Variants in PREX1 observed in about 807,000 individuals in gnomAD.
PREX1 encodes phosphatidylinositol 3,4,5-trisphosphate-dependent Rac exchanger 1 protein.
PREX1 carries 41 observed loss-of-function variants against 198.3 expected under a neutral mutation model. The ratio of observed to expected loss-of-function variants is 0.21; its 90% CI spans 0.16 to 0.27. The LOEUF is 0.27. Ranked by LOEUF, PREX1 falls within the 10% of genes least tolerant of loss-of-function variation. The pLI, the probability that PREX1 is intolerant of heterozygous loss-of-function variation, is 1.00. For synonymous variants in PREX1, 843 were observed against 887.2 expected (o/e 0.95, Z 0.89); for missense variants, 1,620 against 2,200.7 (o/e 0.74, Z 5.28).
At chr20:48,638,084 G>C (rs1397996242) in intron 30 of PREX1, among the ~76,000 whole-genome samples, 3 of 151,982 alleles carry the variant, frequency 2.0e-5, no homozygotes, top group Non-Finnish European at 4.4e-5. Flanking sequence ...GTACAACCTA[G>C]ATACACACGT....
the PREX1 span, among the ~76,000 whole-genome samples, chr20:48,834,441 A>G: frequency 1.4e-4 from 22 of 152,246 alleles, no homozygotes; most frequent in African/African-American, 5.1e-4. Context: ...CCCAGTGGTA[A>G]CTTTTACTGA....
At chr20:48,847,100 CTGCTT>C in the PREX1 span, among the ~76,000 whole-genome samples, 1 of 152,106 alleles carries the variant, frequency 6.6e-6, no homozygotes, top group Non-Finnish European at 1.5e-5. Context: ...CACCCGGGGC[CTGCTT>C]TGGGGCTTTC....
chr20:48,647,855 C>G (rs1188085784), intron 25 of PREX1, among the ~76,000 whole-genome samples: 2 of 152,194 alleles, frequency 1.3e-5, no homozygotes, highest in Non-Finnish European at 2.9e-5. Context: ...AACAGCCACT[C>G]AGGGTCCACC....
chr20:48,713,857 TAAAAAAA>T (rs71337452), intron 5 of PREX1, among the ~76,000 whole-genome samples: 7 of 81,738 alleles, frequency 8.6e-5, no homozygotes, highest in African/African-American at 1.2e-4. Context: ...CCCAGAACTA[TAAAAAAA>T]AAAAAAAAAA....
chr20:48,701,127 G>T (rs1043341930), intron 6 of PREX1, among the ~76,000 whole-genome samples: 2 of 152,180 alleles, frequency 1.3e-5, no homozygotes, highest in Admixed American at 1.3e-4. Flanking sequence ...GGGACTTGGG[G>T]CTCAGGGAGG....
chr20:48,717,605 A>T (rs1304095170), intron 5 of PREX1, among the ~76,000 whole-genome samples: 1 of 151,846 alleles, frequency 6.6e-6, no homozygotes, highest in African/African-American at 2.4e-5. Flanking sequence ...ACCCACAAAC[A>T]CCCTGCATGC....
chr20:48,693,617 A>AT (rs1276337457), intron 7 of PREX1, among the ~76,000 whole-genome samples: 3 of 152,078 alleles, frequency 2.0e-5, no homozygotes, highest in Non-Finnish European at 4.4e-5. Flanking sequence ...AATTTATTTT[A>AT]TTTTTTTGAG....
At chr20:48,875,131 T>C in the PREX1 span, among the ~76,000 whole-genome samples, 1 of 152,038 alleles carries the variant, frequency 6.6e-6, no homozygotes, top group African/African-American at 2.4e-5. Context: ...AATACTACAG[T>C]CTTCAGCAGC....
At chr20:48,682,361 T>C (rs1392745701) in intron 10 of PREX1, among the ~76,000 whole-genome samples, 1 of 152,216 alleles carries the variant, frequency 6.6e-6, no homozygotes, top group Non-Finnish European at 1.5e-5. Flanking sequence ...ATCTCTGTGT[T>C]GCTTCCTTTT....
chr20:48,706,374 G>A (rs1445121385), intron 6 of PREX1, among the ~76,000 whole-genome samples: 2 of 152,200 alleles, frequency 1.3e-5, no homozygotes, highest in African/African-American at 4.8e-5. Flanking sequence ...GGTAACTTAT[G>A]TATGTTGCTC....
At chr20:48,798,078 GA>G (rs1218332785) in intron 1 of PREX1, among the ~76,000 whole-genome samples, 2 of 152,184 alleles carry the variant, frequency 1.3e-5, no homozygotes, top group African/African-American at 4.8e-5. Flanking sequence ...CCTTTTGCAT[GA>G]ACTCACTTTT....
intron 1 of PREX1, among the ~76,000 whole-genome samples, chr20:48,812,033 A>C (rs2090438741): frequency 6.6e-6 from 1 of 152,216 alleles, no homozygotes. Flanking sequence ...ATTGGATGAG[A>C]TGATGTCTCA....
intron 14 of PREX1, among the ~76,000 whole-genome samples, chr20:48,672,664 G>T (rs2089683869): frequency 6.6e-6 from 1 of 152,196 alleles, no homozygotes; most frequent in South Asian, 2.1e-4. Flanking sequence ...GGCTCGCTCT[G>T]CCTAAGAGCC....
At chr20:48,885,400 C>A in the PREX1 span, among the ~76,000 whole-genome samples, 1 of 152,150 alleles carries the variant, frequency 6.6e-6, no homozygotes, top group South Asian at 2.1e-4. Flanking sequence ...AAGATGACAA[C>A]ACCAAATGCT....
intron 1 of PREX1, among the ~76,000 whole-genome samples, chr20:48,778,506 C>T (rs1052677227): frequency 6.6e-6 from 1 of 151,860 alleles, no homozygotes; most frequent in Non-Finnish European, 1.5e-5. Flanking sequence ...GGGACAATCG[C>T]TTGAACCCAG....
At chr20:48,862,141 C>T in the PREX1 span, among the ~76,000 whole-genome samples, 2 of 151,986 alleles carry the variant, frequency 1.3e-5, no homozygotes, top group African/African-American at 2.4e-5. Context: ...ACCCAGGAGG[C>T]GAGGTTCCAG....
chr20:48,728,355 C>T (rs756720113), intron 4 of PREX1, among the ~76,000 whole-genome samples: 2 of 152,244 alleles, frequency 1.3e-5, no homozygotes, highest in East Asian at 3.8e-4. Context: ...TAAGCATGGA[C>T]CACTGTCCCC....
At chr20:48,833,420 T>C in the PREX1 span, among the ~76,000 whole-genome samples, 13 of 150,590 alleles carry the variant, frequency 8.6e-5, no homozygotes, top group East Asian at 2.5e-3. Context: ...TTTTGGACCT[T>C]ATGGTCACCC....
chr20:48,639,937 G>A, intron 29 of PREX1, 43 bp from the exon 30 acceptor site: 1 of 1,605,084 alleles, frequency 6.2e-7, no homozygotes, highest in South Asian at 1.1e-5. Context: ...AGGGACGGAG[G>A]TAGTGTTGGA....
Sources: gnomAD v4.1 joint callset for allele counts (sites outside exome capture counted in the v4.1 genomes callset) on GRCh38, gnomAD v4.1.1 for gene constraint, MANE v1.5 for transcripts, NCBI Gene and HGNC (gene_info 2026-07-23, HGNC 2026-07-21) for gene names.